TAFA2: variants seen among roughly 807,000 people sequenced by gnomAD.
TAFA2 encodes the protein chemokine-like protein TAFA-2.
In TAFA2, 7 loss-of-function variants were observed where a neutral mutation model predicts 18.8. That is an observed-to-expected ratio of 0.37 (90% CI 0.21 to 0.70). TAFA2 has a LOEUF of 0.70. TAFA2 is among the 30% of genes least tolerant of loss of function. The probability of loss-of-function intolerance (pLI) is 0.53; values close to 1 mark genes in which losing one functional copy is unlikely to be tolerated. For missense variants in TAFA2, 122 were observed against 158.1 expected (o/e 0.77, Z 1.23); for synonymous variants, 60 against 54.2 (o/e 1.11, Z -0.47).
chr12:62,184,544 G>C (rs1021160065), intron 1 of TAFA2, among the ~76,000 whole-genome samples: 6 of 120,332 alleles, frequency 5.0e-5, no homozygotes, highest in African/African-American at 1.6e-4. Context: ...ACCCAGGCTA[G>C]AGTGCATGGT....
intron 1 of TAFA2, among the ~76,000 whole-genome samples, chr12:62,162,646 A>C (rs899705347): frequency 2.0e-5 from 3 of 152,154 alleles, no homozygotes; most frequent in Non-Finnish European, 2.9e-5. Flanking sequence ...TGGACACTGA[A>C]ATGTCTGGTC....
At chr12:62,175,528 T>C (rs891479307) in intron 1 of TAFA2, among the ~76,000 whole-genome samples, 11 of 152,220 alleles carry the variant, frequency 7.2e-5, no homozygotes, top group East Asian at 1.9e-4. Flanking sequence ...TCTCTTTTTT[T>C]TGAAGCTATT....
intron 1 of TAFA2, among the ~76,000 whole-genome samples, chr12:61,878,758 T>C (rs1178374760): frequency 6.6e-6 from 1 of 152,220 alleles, no homozygotes; most frequent in Non-Finnish European, 1.5e-5. Flanking sequence ...ATATTATATG[T>C]AAGTCTTGTA....
rs1472994782 is a variant in TAFA2, at chr12:62,214,569, T to A, written c.-130+44194A>T. 2.0e-5 allele frequency among the ~76,000 whole-genome samples: 3 copies of A among 152,192 alleles called. 1 individual carries two copies. Among genetic ancestry groups the A allele is most frequent in the Non-Finnish European group, 4.4e-5 (3 of 68,032 alleles). On this transcript the variant is annotated intron_variant, in intron 1 of 5. Coordinates refer to the TAFA2 transcript ENST00000551619. Reference sequence around the variant, plus strand: ...TGTTGAAGTCCTAACTCCTACTATCTCAGAATGTAACTGTATTTGGAGATA... The same window carrying A: ...TGTTGAAGTCCTAACTCCTACTATCACAGAATGTAACTGTATTTGGAGATA...
intron 1 of TAFA2, among the ~76,000 whole-genome samples, chr12:62,257,172 G>GTATATATACACAA (rs1565789911): frequency 0.074 from 261 of 3,518 alleles, 4 homozygotes; most frequent in African/African-American, 0.15. Flanking sequence ...ATGTGTGTGT[G>GTATATATACACAA]TGTGTGTGTG....
At chr12:61,826,351 T>C (rs1299836038) in intron 2 of TAFA2, among the ~76,000 whole-genome samples, 2 of 151,780 alleles carry the variant, frequency 1.3e-5, no homozygotes, top group Non-Finnish European at 2.9e-5. Context: ...TGTGTGTGTG[T>C]GTGTGTGTGT....
rs948874418 is a variant in TAFA2 at position 62,124,224 on chromosome 12, T to A, written c.-2+67035A>T. Among the ~76,000 whole-genome samples, 4 of 151,938 alleles carry A rather than the reference T, an allele frequency of 2.6e-5. No homozygotes were observed. The East Asian group carries it at 7.7e-4, about 29-fold the overall frequency. On this transcript the variant is annotated intron_variant, in intron 1 of 4. Coordinates refer to ENST00000416284, the MANE Select transcript of TAFA2 (RefSeq NM_178539.5). ...CAAGAGATAAGCTCTGGATTACATA[T>A]GTATTTGTCAGAAATAAATGCAGAT... is the stretch of plus-strand genomic sequence containing the variant.
chr12:62,036,711 T>C (rs1231888639), intron 1 of TAFA2, among the ~76,000 whole-genome samples: 1 of 152,238 alleles, frequency 6.6e-6, no homozygotes, highest in African/African-American at 2.4e-5. Context: ...ATTATATACA[T>C]ATATTATGCT....
intron 1 of TAFA2, among the ~76,000 whole-genome samples, chr12:62,208,272 T>A (rs1420224679): frequency 6.6e-6 from 1 of 151,960 alleles, no homozygotes; most frequent in Non-Finnish European, 1.5e-5. Flanking sequence ...GTCAAGGACA[T>A]ATGAACCAAG....
chr12:62,247,443 G>C (rs926806429), intron 1 of TAFA2, among the ~76,000 whole-genome samples: 8 of 152,186 alleles, frequency 5.3e-5, no homozygotes, highest in Admixed American at 2.0e-4. Context: ...TGAAAGTGCA[G>C]ACATCAGCAT....
At chr12:61,766,082 T>A (rs1367294337) in intron 2 of TAFA2, among the ~76,000 whole-genome samples, 1 of 152,072 alleles carries the variant, frequency 6.6e-6, no homozygotes, top group African/African-American at 2.4e-5. Flanking sequence ...AGCTTAGGCA[T>A]CCTTAACATT....
chr12:61,906,843 CAA>C (rs1332168771), intron 1 of TAFA2, among the ~76,000 whole-genome samples: 4 of 152,156 alleles, frequency 2.6e-5, no homozygotes, highest in African/African-American at 7.2e-5. Context: ...TACGCTTTAG[CAA>C]AGAGACTGGC....
At chr12:61,903,293 C>T (rs541606464) in intron 1 of TAFA2, among the ~76,000 whole-genome samples, 2 of 152,268 alleles carry the variant, frequency 1.3e-5, no homozygotes, top group South Asian at 2.1e-4. Context: ...CCCTCCCTCA[C>T]TTCCTTTGTG....
At chr12:61,765,421 G>A (rs889514973) in intron 2 of TAFA2, among the ~76,000 whole-genome samples, 1 of 152,156 alleles carries the variant, frequency 6.6e-6, no homozygotes. Flanking sequence ...TGATTTTGAT[G>A]TATATCTGTT....
At chr12:61,852,071 G>A (rs1307901214) in intron 2 of TAFA2, among the ~76,000 whole-genome samples, 1 of 151,894 alleles carries the variant, frequency 6.6e-6, no homozygotes, top group Admixed American at 6.6e-5. Context: ...GCCTGGCGTT[G>A]TGGCAAGTGT....
intron 1 of TAFA2, among the ~76,000 whole-genome samples, chr12:61,971,501 AAAGAAAAT>A (rs984470721): frequency 5.3e-5 from 8 of 151,334 alleles, no homozygotes; most frequent in African/African-American, 1.9e-4. Flanking sequence ...AAAAAGAAAA[AAAGAAAAT>A]GTGGCACATA....
intron 1 of TAFA2, among the ~76,000 whole-genome samples, chr12:61,899,724 C>A (rs547202539): frequency 6.6e-6 from 1 of 152,076 alleles, no homozygotes; most frequent in African/African-American, 2.4e-5. Flanking sequence ...TTCATCCAAC[C>A]GTGGATCAAA....
At chr12:62,120,122 T>C (rs1870129058) in intron 1 of TAFA2, among the ~76,000 whole-genome samples, 1 of 151,466 alleles carries the variant, frequency 6.6e-6, no homozygotes, top group South Asian at 2.1e-4. Flanking sequence ...TTAACAAACA[T>C]CTATTAAACA....
chr12:61,973,732 C>A (rs1879336948), intron 1 of TAFA2, among the ~76,000 whole-genome samples: 1 of 151,654 alleles, frequency 6.6e-6, no homozygotes. Flanking sequence ...AGCAGCAGTT[C>A]TCAGACTTAG....
Sources: allele counts gnomAD v4.1 joint callset (sites outside exome capture counted in the v4.1 genomes callset), GRCh38; gene constraint gnomAD v4.1.1; transcripts MANE v1.5; gene names NCBI Gene and HGNC (gene_info 2026-07-23, HGNC 2026-07-21).